CEP85: variants seen among roughly 807,000 people sequenced by gnomAD.
CEP85 encodes the protein centrosomal protein of 85 kDa.
Under a neutral mutation model 93.7 loss-of-function variants are expected in CEP85, and 58 were observed. That is an observed-to-expected ratio of 0.62 (90% CI 0.50 to 0.77). The LOEUF (loss-of-function observed/expected upper bound fraction) is 0.77. Ranked by LOEUF, CEP85 falls within the 30% of genes least tolerant of loss-of-function variation. The pLI is 0.00. For missense variants in CEP85, 868 were observed against 922.0 expected, an observed-to-expected ratio of 0.94 and a Z score of 0.76; for synonymous variants, 314 against 338.6, an observed-to-expected ratio of 0.93 and a Z score of 0.80.
chr1:26,239,424 T>C (rs1172781404), intron 1 of CEP85, among the ~76,000 whole-genome samples: 2 of 152,158 alleles, frequency 1.3e-5, no homozygotes, highest in Non-Finnish European at 2.9e-5. Flanking sequence ...TGATCTTGGC[T>C]CACTGAAACC....
intron 3 of CEP85, among the ~76,000 whole-genome samples, chr1:26,246,940 G>A (rs999293490): frequency 1.3e-5 from 2 of 152,160 alleles, no homozygotes; most frequent in African/African-American, 2.4e-5. Context: ...CAACCCCTGG[G>A]CCAAGGACCG....
At chr1:26,253,857 C>T (rs2089656360) in intron 3 of CEP85, among the ~76,000 whole-genome samples, 3 of 151,826 alleles carry the variant, frequency 2.0e-5, no homozygotes, top group African/African-American at 4.8e-5. Context: ...GTCTGGGCAA[C>T]ATGGCGAAAC....
chr1:26,256,593 G>A (rs2089705632), intron 4 of CEP85, among the ~76,000 whole-genome samples: 2 of 135,014 alleles, frequency 1.5e-5, no homozygotes, highest in South Asian at 4.9e-4. Context: ...TACCACTTTT[G>A]TATTTTCTTT....
chr1:26,236,919 G>A (rs900018330), intron 1 of CEP85, among the ~76,000 whole-genome samples: 2 of 152,204 alleles, frequency 1.3e-5, no homozygotes, highest in African/African-American at 4.8e-5. Context: ...AGAAAGGAAT[G>A]TCTGGGTTAA....
rs1426988963 is a variant in CEP85, at chr1:26,262,116, G to A, written c.1341+2314G>A. On this transcript the variant is annotated intron_variant, in intron 7 of 13. Transcript: ENST00000451429. ...AGGTCAGGAGATCAAGAACATCCTG[G>A]CCAACATGGTGAAACCCCATCTCTA... Among the ~76,000 whole-genome samples, 3 of 152,124 alleles carry A rather than the reference G, an allele frequency of 2.0e-5. No individual in the cohort carries two copies. The East Asian group carries it at 5.8e-4, about 29-fold the overall frequency.
chr1:26,248,027 G>A (rs1406011560), intron 3 of CEP85, among the ~76,000 whole-genome samples: 1 of 152,126 alleles, frequency 6.6e-6, no homozygotes, highest in Non-Finnish European at 1.5e-5. Context: ...TAACTATTGA[G>A]TAGAATTGAA....
At chr1:26,269,193 G>T in intron 8 of CEP85, 2 of 440,240 alleles carry the variant, frequency 4.5e-6, no homozygotes, top group Non-Finnish European at 8.4e-6. Context: ...CTTAGACTGT[G>T]TGGTTCAACC....
chr1:26,272,500 A>G (rs2089989497), intron 11 of CEP85: 2 of 172,630 alleles, frequency 1.2e-5, no homozygotes, highest in South Asian at 1.6e-4. Flanking sequence ...GATACTGCTG[A>G]CGTATCCACT....
intron 11 of CEP85, chr1:26,272,493 A>G (rs2089989467): frequency 5.6e-6 from 1 of 180,158 alleles, no homozygotes; most frequent in Non-Finnish European, 1.2e-5. Context: ...GCAGTTTGAT[A>G]CTGCTGACGT....
intron 7 of CEP85, among the ~76,000 whole-genome samples, chr1:26,260,463 C>T (rs2089788951): frequency 6.6e-6 from 1 of 150,888 alleles, no homozygotes. Context: ...CATGCCATTG[C>T]ACTCCAGCCT....
In CEP85 at chr1:26,276,613, CCACCTT is replaced by C; in HGVS notation, c.1986_1991del (p.Ser663_Pro664del). The stretch of plus-strand genomic sequence containing the variant: ...CCTGCGCCAGGCCCAACCAGGGTCT[CCACCTT>C]CACCAGACACGGCCCAGCTGGCACT... On this transcript the variant is annotated inframe_deletion, in exon 13 of 14. Transcript: ENST00000451429. 1 of 1,614,224 alleles carries C rather than the reference CCACCTT, an allele frequency of 6.2e-7. No homozygotes were observed. Among genetic ancestry groups the C allele is most frequent in the Non-Finnish European group, 8.5e-7 (1 of 1,180,030 alleles).
At chr1:26,275,698 A>G (rs950050472) in intron 12 of CEP85, among the ~76,000 whole-genome samples, 3 of 152,112 alleles carry the variant, frequency 2.0e-5, no homozygotes, top group Non-Finnish European at 4.4e-5. Context: ...TTCATGCACT[A>G]AACAGAGCTG....
At chr1:26,267,624 G>A (rs1445570597) in intron 7 of CEP85, among the ~76,000 whole-genome samples, 1 of 152,184 alleles carries the variant, frequency 6.6e-6, no homozygotes, top group African/African-American at 2.4e-5. Flanking sequence ...AGGTCCAGGA[G>A]CATCCTGAGA....
chr1:26,265,016 G>A lies in CEP85; in HGVS notation c.1342-3467G>A, dbSNP rs535183017. 2.4e-3 allele frequency among the ~76,000 whole-genome samples: 274 copies of A among 113,710 alleles called. 2 individuals are homozygous for A. The highest frequency in any genetic ancestry group is 9.3e-3 in the African/African-American group (259 of 27,918). The allele number at this position is 113,710 out of a possible 152,430, so 74.6% of individuals were successfully genotyped here. On this transcript the variant is annotated intron_variant, in intron 7 of 13. Transcript: ENST00000451429. ...TTTTTTTTTTTTTAGATAGAGTCTC[G>A]CTTTGTTGCCTGGGCTGGAGTGCAG...
At chr1:26,235,244 G>A (rs1427693379) in intron 1 of CEP85, among the ~76,000 whole-genome samples, 2 of 152,218 alleles carry the variant, frequency 1.3e-5, no homozygotes, top group Non-Finnish European at 2.9e-5. Flanking sequence ...TGAACACTGG[G>A]ATAAGTAGGG....
chr1:26,238,262 G>A (rs2089361646), intron 1 of CEP85, among the ~76,000 whole-genome samples: 1 of 127,460 alleles, frequency 7.8e-6, no homozygotes, highest in Admixed American at 9.2e-5. Context: ...GTGCAATGGC[G>A]CGATCTTGGC....
Position 26,274,968 on chromosome 1 carries a change from TAG to T in CEP85, c.1802_1803del (p.Glu601AlafsTer43). On this transcript the variant is annotated frameshift_variant, in exon 12 of 14. Transcript: ENST00000451429. LOFTEE classifies it high-confidence loss of function. ...ACATCTTGCTGTGTGATTCAGAGCC[TAG>T]AGCAGGAAGTGGCTCAAGAAGAAGG... 6.4e-7 allele frequency: 1 copy of T among 1,567,464 alleles called. No individual in the cohort carries two copies. The highest frequency in any genetic ancestry group is 8.7e-7 in the Non-Finnish European group (1 of 1,155,898).
Position 26,256,182 on chromosome 1 carries a change from A to G in CEP85, c.903+317A>G, listed in dbSNP as rs544714406. On this transcript the variant is annotated intron_variant, in intron 4 of 13. Transcript: ENST00000451429. ...TAGTGTACTAACGAGGTAGATGTAG[A>G]AACTTACCAGGTTCTTAGACTACAT... Among the ~76,000 whole-genome samples the G allele has an allele frequency of 6.6e-5, 10 of 152,368 alleles. No individual in the cohort carries two copies. The South Asian group carries it at 1.9e-3, about 28-fold the overall frequency.
intron 4 of CEP85, among the ~76,000 whole-genome samples, chr1:26,256,402 G>A (rs1175767855): frequency 1.3e-5 from 2 of 151,920 alleles, no homozygotes; most frequent in African/African-American, 4.8e-5. Context: ...GTGGTGGCAT[G>A]CGCCTGTAGT....
Sources: gnomAD v4.1 joint callset for allele counts (sites outside exome capture counted in the v4.1 genomes callset) on GRCh38, gnomAD v4.1.1 for gene constraint, MANE v1.5 for transcripts, NCBI Gene and HGNC (gene_info 2026-07-23, HGNC 2026-07-21) for gene names.